DFFB: variants seen among roughly 807,000 people sequenced by gnomAD.
DFFB encodes the protein DNA fragmentation factor subunit beta.
In DFFB, 29 loss-of-function variants were observed where a neutral mutation model predicts 32.7. The ratio of observed to expected loss-of-function variants is 0.89; its 90% CI spans 0.66 to 1.21. The LOEUF (loss-of-function observed/expected upper bound fraction) is 1.21. Among genes scored for constraint, DFFB ranks in the 50% most tolerant of loss-of-function variants. The pLI, the probability that DFFB is intolerant of heterozygous loss-of-function variation, is 0.00. For missense variants in DFFB, 398 were observed against 440.6 expected, an observed-to-expected ratio of 0.90 and a Z score of 0.87; for synonymous variants, 170 against 177.1, an observed-to-expected ratio of 0.96 and a Z score of 0.32.
chr1:3,877,081 G>A (rs566145576), intron 6 of DFFB, among the ~76,000 whole-genome samples: 2 of 152,302 alleles, frequency 1.3e-5, no homozygotes, highest in Admixed American at 6.5e-5. Context: ...ACACCATAGC[G>A]GGGTCCTCAT....
intron 2 of DFFB, among the ~76,000 whole-genome samples, chr1:3,859,730 A>AT (rs1644843052): frequency 6.6e-6 from 1 of 152,150 alleles, no homozygotes; most frequent in Non-Finnish European, 1.5e-5. Context: ...CCCTTTCTCC[A>AT]CTGGGCCTTG....
intron 5 of DFFB, 68 bp from the exon 6 acceptor site, chr1:3,872,404 G>A (rs111645751): frequency 0.22 from 250,000 of 1,158,572 alleles, 32,653 homozygotes; most frequent in Non-Finnish European, 0.26. Flanking sequence ...AGAGCGAGGC[G>A]CTGTCTCAAG....
Position 3,884,957 on chromosome 1 carries a change from T to C in DFFB, c.*1216T>C, listed in dbSNP as rs1481786455. On this transcript the variant is annotated 3_prime_UTR_variant, in exon 7 of 7. Coordinates refer to ENST00000378209, the MANE Select transcript of DFFB (RefSeq NM_004402.4). ...ACGTTGAACCACGTGAAACTGCTGTTTTCTAGGCCAAAAATGGTGAGCGAT... is the reference window on the plus strand; with the variant it reads ...ACGTTGAACCACGTGAAACTGCTGTCTTCTAGGCCAAAAATGGTGAGCGAT... 1 of 152,228 alleles carries C rather than the reference T, an allele frequency of 6.6e-6. No individual in the cohort carries two copies. The highest frequency in any genetic ancestry group is 1.5e-5 in the Non-Finnish European group (1 of 68,038). The allele number at this position is 152,228 out of a possible 1,614,324, so 9.4% of individuals were successfully genotyped here. A position where few individuals can be genotyped will look rare whatever the true frequency, so the allele number is the denominator to read the frequency against.
At chr1:3,866,167 G>A (rs1332189669) in intron 3 of DFFB, 167 bp downstream of exon 3, 2 of 704,522 alleles carry the variant, frequency 2.8e-6, no homozygotes, top group East Asian at 2.7e-5. Context: ...TCCCAGCCTC[G>A]TGGGAAAGGT....
chr1:3,883,624 A>G lies in DFFB; in HGVS notation c.900A>G (p.Lys300=), dbSNP rs764845484. 4.3e-6 allele frequency: 7 copies of G among 1,614,034 alleles called. No homozygotes were observed. In the South Asian group the frequency reaches 6.6e-5, roughly 15 times the overall value. ...TGCTTTTTACCTCAGAGAACCTAAA[A>G]CTAGTGCACATTGTCTGCCATAAGA... ...YGLLFTSENL[K]LVHIVCHKKT... is the part of the protein sequence containing the mutation. Residue 300 remains lysine (K), a synonymous_variant, in exon 7 of 7, where the codon AAA becomes AAG. Transcript: ENST00000378209.
intron 2 of DFFB, among the ~76,000 whole-genome samples, chr1:3,861,924 A>T (rs1013565059): frequency 2.0e-5 from 3 of 152,240 alleles, no homozygotes; most frequent in African/African-American, 7.2e-5. Flanking sequence ...CAGATTGGAA[A>T]GGAAGAAGTG....
intron 5 of DFFB, among the ~76,000 whole-genome samples, 165 bp downstream of exon 5, chr1:3,869,940 G>A (rs1301159735): frequency 6.6e-6 from 1 of 152,244 alleles, no homozygotes; most frequent in East Asian, 1.9e-4. Flanking sequence ...GTCTCAGCCA[G>A]TGCCTCTCAA....
chr1:3,882,045 G>T (rs1202004666), intron 6 of DFFB, among the ~76,000 whole-genome samples: 4 of 152,124 alleles, frequency 2.6e-5, no homozygotes, highest in Admixed American at 2.0e-4. Context: ...ACATCATGTT[G>T]TGTGTGTATG....
intron 6 of DFFB, among the ~76,000 whole-genome samples, chr1:3,880,905 C>G (rs1016311048): frequency 3.3e-5 from 5 of 152,188 alleles, no homozygotes; most frequent in Non-Finnish European, 7.4e-5. Context: ...CAACTTCCTG[C>G]CATTTCTTGC....
At chr1:3,863,073 G>T (rs4573474) in intron 2 of DFFB, among the ~76,000 whole-genome samples, 70 of 152,138 alleles carry the variant, frequency 4.6e-4, no homozygotes, top group African/African-American at 1.4e-3. Context: ...TGCTTGAACC[G>T]GGGAGGTGGA....
At chr1:3,863,638 T>G (rs1051889859) in intron 2 of DFFB, among the ~76,000 whole-genome samples, 20 of 152,122 alleles carry the variant, frequency 1.3e-4, no homozygotes, top group Non-Finnish European at 2.8e-4. Flanking sequence ...CTTGGATCAA[T>G]AGAGTGTGGC....
Position 3,865,670 on chromosome 1 carries a change from C to A in DFFB, c.242-142C>A. On this transcript the variant is annotated intron_variant, in intron 2 of 6. Coordinates refer to ENST00000378209, the MANE Select transcript of DFFB (RefSeq NM_004402.4). This position sits in a 1 kb window ranked among gnomAD's most constrained non-coding sequence, Gnocchi z 4.7. ...GTTGGTGTCAGGGCAAGGACAAAGA[C>A]CCGGGACACCTCAAGTCTGAGTCCT... 1 of 1,327,720 alleles carries A rather than the reference C, an allele frequency of 7.5e-7. No homozygotes were observed. Among genetic ancestry groups the A allele is most frequent in the Non-Finnish European group, 1.1e-6 (1 of 923,704 alleles). 82.2% of individuals were successfully genotyped at this position (1,327,720 alleles called of 1,614,324 possible).
At chr1:3,860,944 C>T (rs568401518) in intron 2 of DFFB, among the ~76,000 whole-genome samples, 1 of 152,136 alleles carries the variant, frequency 6.6e-6, no homozygotes, top group Non-Finnish European at 1.5e-5. Flanking sequence ...CACCTGAGAT[C>T]AGGAGTTCAA....
intron 6 of DFFB, chr1:3,872,868 G>C: frequency 8.4e-7 from 1 of 1,194,662 alleles, no homozygotes; most frequent in Admixed American, 3.3e-5. Flanking sequence ...CTGGTGGGCA[G>C]CGTCCTTCCC....
At chr1:3,872,889 G>A (rs1422931022) in intron 6 of DFFB, 7 of 1,229,184 alleles carry the variant, frequency 5.7e-6, no homozygotes, top group Non-Finnish European at 1.0e-6. Flanking sequence ...CAGAACACAG[G>A]TCCCAGCCCT....
chr1:3,862,497 C>G (rs1257672935), intron 2 of DFFB, among the ~76,000 whole-genome samples: 1 of 152,188 alleles, frequency 6.6e-6, no homozygotes, highest in Non-Finnish European at 1.5e-5. Flanking sequence ...AAGACTGACA[C>G]TGGTACAAGG....
intron 2 of DFFB, chr1:3,860,318 C>T (rs1042764623): frequency 1.4e-4 from 41 of 291,002 alleles, no homozygotes; most frequent in South Asian, 9.5e-4. Flanking sequence ...CCTCGACCTC[C>T]GTGTTTCAAG....
At chr1:3,878,884 G>A (rs1055287910) in intron 6 of DFFB, among the ~76,000 whole-genome samples, 1 of 152,202 alleles carries the variant, frequency 6.6e-6, no homozygotes, top group Non-Finnish European at 1.5e-5. Flanking sequence ...TCTGATTACT[G>A]ATGTGTAGCC....
At chr1:3,870,795 G>T (rs552143463) in intron 5 of DFFB, among the ~76,000 whole-genome samples, 1 of 151,686 alleles carries the variant, frequency 6.6e-6, no homozygotes, top group Admixed American at 6.6e-5. Context: ...AGAGTGAGCT[G>T]GGAGGGACCA....
Sources: allele counts gnomAD v4.1 joint callset (sites outside exome capture counted in the v4.1 genomes callset), GRCh38; gene constraint gnomAD v4.1.1; non-coding constraint Gnocchi (gnomAD v3.1); transcripts MANE v1.5; gene names NCBI Gene and HGNC (gene_info 2026-07-23, HGNC 2026-07-21).